Variants in EVL observed in about 807,000 individuals in gnomAD.
The protein encoded by EVL is ena/VASP-like protein.
Under a neutral mutation model 59.6 loss-of-function variants are expected in EVL, and 21 were observed. That is an observed-to-expected ratio of 0.35 (90% CI 0.25 to 0.51). The LOEUF (loss-of-function observed/expected upper bound fraction) is 0.51, where lower values mean the gene tolerates loss of function less well. Among genes scored for constraint, EVL ranks in the 20% least tolerant of loss-of-function variants. The pLI is 0.97. For synonymous variants in EVL, 198 were observed against 203.5 expected (o/e 0.97, Z 0.23); for missense variants, 462 against 546.6 (o/e 0.85, Z 1.54).
chr14:100,095,759 G>C (rs919259148), intron 2 of EVL, among the ~76,000 whole-genome samples: 3 of 152,144 alleles, frequency 2.0e-5, no homozygotes, highest in Non-Finnish European at 4.4e-5. Flanking sequence ...ACAGAGTCTG[G>C]CTCTGTTGCC....
chr14:100,112,077 G>A (rs939699068), intron 3 of EVL, among the ~76,000 whole-genome samples: 1 of 152,276 alleles, frequency 6.6e-6, no homozygotes, highest in South Asian at 2.1e-4. Flanking sequence ...TTTTTTCCTC[G>A]CGTAGCGTGT....
chr14:100,007,295 T>C (rs1193447606), intron 1 of EVL, among the ~76,000 whole-genome samples: 2 of 152,114 alleles, frequency 1.3e-5, no homozygotes, highest in Non-Finnish European at 2.9e-5. Flanking sequence ...AGACAAATGG[T>C]TGCATTCTTT....
intron 1 of EVL, among the ~76,000 whole-genome samples, chr14:100,068,005 C>T (rs554808110): frequency 1.3e-5 from 2 of 152,314 alleles, no homozygotes; most frequent in East Asian, 3.9e-4. Flanking sequence ...CCAGCGGCTG[C>T]TCTGGGTGCT....
chr14:99,987,194 A>G (rs191265640), intron 1 of EVL, among the ~76,000 whole-genome samples: 3 of 152,294 alleles, frequency 2.0e-5, no homozygotes, highest in Admixed American at 2.0e-4. Context: ...AAGAACTCTT[A>G]TATTTTGCTA....
At chr14:100,126,907 C>A in intron 5 of EVL, 136 bp downstream of exon 5, 2 of 735,820 alleles carry the variant, frequency 2.7e-6, no homozygotes, top group South Asian at 1.8e-5. Context: ...GTGCAACCAC[C>A]ACTTCAGATG....
At chr14:100,056,631 GT>G (rs1471934098) in intron 1 of EVL, among the ~76,000 whole-genome samples, 2 of 152,148 alleles carry the variant, frequency 1.3e-5, no homozygotes, top group African/African-American at 4.8e-5. Context: ...AGAATATTCA[GT>G]TGCCTTGGCT....
chr14:100,019,413 C>T (rs1595567013), intron 1 of EVL: 2 of 507,826 alleles, frequency 3.9e-6, no homozygotes, highest in East Asian at 3.4e-5. Flanking sequence ...GCATACACTG[C>T]ATTAATCAGA....
chr14:99,985,761 C>T (rs1010456678), intron 1 of EVL, among the ~76,000 whole-genome samples: 1 of 142,306 alleles, frequency 7.0e-6, no homozygotes, highest in Non-Finnish European at 1.5e-5. Flanking sequence ...GAGCGAAGCT[C>T]CATCTCAGAA....
chr14:99,982,629 T>C (rs1437096216), intron 1 of EVL, among the ~76,000 whole-genome samples: 3 of 152,142 alleles, frequency 2.0e-5, no homozygotes, highest in Non-Finnish European at 2.9e-5. Context: ...TTCTGTCTGC[T>C]CACCAGGGGA....
chr14:99,993,425 A>G (rs2060888871), intron 1 of EVL, among the ~76,000 whole-genome samples: 1 of 152,006 alleles, frequency 6.6e-6, no homozygotes, highest in Non-Finnish European at 1.5e-5. Flanking sequence ...CTTCATCGGT[A>G]TTCATCAGAT....
At chr14:100,123,322 A>G (rs1043309675) in intron 3 of EVL, among the ~76,000 whole-genome samples, 2 of 152,200 alleles carry the variant, frequency 1.3e-5, no homozygotes, top group Admixed American at 1.3e-4. Context: ...GGTCTCATTT[A>G]TTGGTTCAGA....
rs144831906 is a variant in EVL at position 100,030,672 on chromosome 14, C to A, written c.6-54015C>A. On this transcript the variant is annotated intron_variant, in intron 1 of 13. Coordinates refer to the EVL transcript ENST00000402714. Reference sequence around the variant, plus strand: ...GTGAACGAAACATGGTGTGACTAATCAGCTGAGAGCTTGGATCTTGGCTTG... The same window carrying A: ...GTGAACGAAACATGGTGTGACTAATAAGCTGAGAGCTTGGATCTTGGCTTG... Among the ~76,000 whole-genome samples the A allele has an allele frequency of 1.6e-3, 248 of 152,324 alleles. 1 individual carries two copies. Among genetic ancestry groups the A allele is most frequent in the African/African-American group, 5.9e-3 (247 of 41,554 alleles).
exon 1 of EVL, chr14:99,971,786 C>T (rs1178561879): frequency 6.8e-6 from 1 of 146,080 alleles, no homozygotes; most frequent in East Asian, 2.0e-4. Context: ...CGCCCGCGCA[C>T]ACGCCGGCCC....
intron 1 of EVL, among the ~76,000 whole-genome samples, chr14:100,043,737 C>A (rs1156804157): frequency 1.3e-5 from 2 of 151,810 alleles, no homozygotes; most frequent in African/African-American, 4.8e-5. Context: ...CTCAGCCTCC[C>A]AAGTAGCTGG....
intron 1 of EVL, among the ~76,000 whole-genome samples, chr14:100,082,019 G>A (rs1308372239): frequency 1.3e-5 from 2 of 152,214 alleles, no homozygotes; most frequent in East Asian, 3.8e-4. Flanking sequence ...AGCTTCATGG[G>A]AGGCTGAAGC....
In EVL at chr14:100,088,630, G is replaced by A. The variant is rs565691462; in HGVS notation, c.180+3775G>A. Among the ~76,000 whole-genome samples the A allele has an allele frequency of 3.9e-5, 6 of 152,214 alleles. No homozygotes were observed. The East Asian group carries it at 1.2e-3, about 29-fold the overall frequency. On this transcript the variant is annotated intron_variant, in intron 2 of 13. Coordinates refer to ENST00000392920, the MANE Select transcript of EVL (RefSeq NM_016337.3). The stretch of plus-strand genomic sequence containing the variant: ...ATAGAAAAAGTATAGTAAAAATACC[G>A]TACTATAGTCTTATGGGACCACCAT...
chr14:100,037,832 T>G (rs914473531), intron 1 of EVL, among the ~76,000 whole-genome samples: 2 of 152,240 alleles, frequency 1.3e-5, no homozygotes, highest in East Asian at 3.8e-4. Context: ...GTTATTTTCT[T>G]TCATTCATTC....
rs115825335 is a variant in EVL at position 100,075,783 on chromosome 14, T to C, written c.12-8904T>C. On this transcript the variant is annotated intron_variant, in intron 1 of 13. Coordinates refer to ENST00000392920, the MANE Select transcript of EVL (RefSeq NM_016337.3). ...ACATATACCTACTGAGCGTAAGGAA[T>C]GTACCCAGCATGGTACTGGTCACCC... is the stretch of plus-strand genomic sequence containing the variant. Among the ~76,000 whole-genome samples, 1,047 of 152,340 alleles carry C rather than the reference T, an allele frequency of 6.9e-3. 11 individuals carry two copies. The highest frequency in any genetic ancestry group is 0.024 in the African/African-American group (1,002 of 41,578).
chr14:100,077,263 A>T (rs1455931458), intron 1 of EVL, among the ~76,000 whole-genome samples: 1 of 152,200 alleles, frequency 6.6e-6, no homozygotes, highest in Non-Finnish European at 1.5e-5. Flanking sequence ...AAAGGGCCAG[A>T]TCCAAAAGAT....
Sources: gnomAD v4.1 joint callset for allele counts (sites outside exome capture counted in the v4.1 genomes callset) on GRCh38, gnomAD v4.1.1 for gene constraint, MANE v1.5 for transcripts, NCBI Gene and HGNC (gene_info 2026-07-23, HGNC 2026-07-21) for gene names.